LASP1: variants seen among roughly 807,000 people sequenced by gnomAD.
LASP1 encodes LIM and SH3 domain protein 1.
A neutral mutation model predicts 38.6 loss-of-function variants in LASP1; 10 were observed. The ratio of observed to expected loss-of-function variants is 0.26; its 90% CI spans 0.16 to 0.44. The LOEUF (loss-of-function observed/expected upper bound fraction) is 0.44. LASP1 is among the 20% of genes least tolerant of loss of function. LASP1 has a pLI of 1.00. For synonymous variants in LASP1, 132 were observed against 140.8 expected (o/e 0.94, Z 0.44); for missense variants, 243 against 375.7 (o/e 0.65, Z 2.92).
At chr17:38,874,956 C>G (rs1913718508) in intron 1 of LASP1, among the ~76,000 whole-genome samples, 3 of 152,092 alleles carry the variant, frequency 2.0e-5, no homozygotes, top group Non-Finnish European at 4.4e-5. Flanking sequence ...CGGGTGCAGG[C>G]CTGGCCATCT....
intron 2 of LASP1, among the ~76,000 whole-genome samples, chr17:38,882,366 G>A (rs1237597332): frequency 6.6e-6 from 1 of 152,196 alleles, no homozygotes; most frequent in Non-Finnish European, 1.5e-5. Flanking sequence ...TCCTGCCTCA[G>A]CCTCCCAAGT....
At chr17:38,884,429 C>A (rs1914050462) in intron 2 of LASP1, among the ~76,000 whole-genome samples, 1 of 150,836 alleles carries the variant, frequency 6.6e-6, no homozygotes, top group Non-Finnish European at 1.5e-5. Context: ...CTCTTGTTGC[C>A]CAGGCTGGAG....
At chr17:38,900,743 A>G (rs972602165) in intron 4 of LASP1, among the ~76,000 whole-genome samples, 2 of 152,156 alleles carry the variant, frequency 1.3e-5, no homozygotes, top group Non-Finnish European at 2.9e-5. Flanking sequence ...GTTGACCTGC[A>G]GTTTGAAGTT....
In LASP1 at chr17:38,901,277, T is replaced by TA. The variant is rs1388304156; in HGVS notation, c.357+2759dup. On this transcript the variant is annotated intron_variant, in intron 4 of 6. Transcript: ENST00000318008. ...CCCCCAGTTAGAGGTGTTAATATCCTAGTGACAAAACTCACCACCCTGGCC... is the reference window on the plus strand; with the variant it reads ...CCCCCAGTTAGAGGTGTTAATATCCTAAGTGACAAAACTCACCACCCTGGCC... Among the ~76,000 whole-genome samples, 10 of 152,278 alleles carry TA rather than the reference T, an allele frequency of 6.6e-5. No homozygotes were observed. The East Asian group carries it at 1.9e-3, about 29-fold the overall frequency.
intron 3 of LASP1, among the ~76,000 whole-genome samples, chr17:38,892,513 G>T (rs226231): frequency 5.3e-5 from 8 of 151,504 alleles, no homozygotes; most frequent in Non-Finnish European, 1.2e-4. Flanking sequence ...GAAGGACCTC[G>T]GAGAAGAGGT....
At position 38,919,035 on chromosome 17, in the gene LASP1, G is replaced by GGCGAGGCCCGTGGGA. The variant is rs2143840532; in HGVS notation, c.*257_*258insGCGAGGCCCGTGGGA. 2 of 536,378 alleles carry GGCGAGGCCCGTGGGA rather than the reference G, an allele frequency of 3.7e-6. No individual in the cohort carries two copies. Among genetic ancestry groups the GGCGAGGCCCGTGGGA allele is most frequent in the South Asian group, 2.1e-5 (1 of 47,206 alleles). 33.2% of individuals were successfully genotyped at this position (536,378 alleles called of 1,614,324 possible). Reference sequence around the variant, plus strand: ...ACGGGCATGGGCCTCTCTGGGGGAGGCAGGGCTGGAATGGGAGACCTGTTG... The same window carrying GGCGAGGCCCGTGGGA: ...ACGGGCATGGGCCTCTCTGGGGGAGGGCGAGGCCCGTGGGACAGGGCTGGAATGGGAGACCTGTTG... On this transcript the variant is annotated 3_prime_UTR_variant, in exon 7 of 7. Transcript: ENST00000318008.
At chr17:38,914,838 G>C (rs1241178261) in intron 5 of LASP1, 6 of 603,858 alleles carry the variant, frequency 9.9e-6, no homozygotes, top group Non-Finnish European at 8.8e-6. Context: ...TGAAAGGAGA[G>C]GCCCCCAGGT....
intron 4 of LASP1, among the ~76,000 whole-genome samples, chr17:38,901,978 A>G (rs1226989214): frequency 1.3e-5 from 2 of 152,084 alleles, no homozygotes; most frequent in Admixed American, 6.6e-5. Context: ...CGTGTTAGCC[A>G]GGATGATCTT....
intron 2 of LASP1, among the ~76,000 whole-genome samples, chr17:38,887,335 G>C (rs973242564): frequency 6.6e-6 from 1 of 152,118 alleles, no homozygotes; most frequent in Admixed American, 6.6e-5. Context: ...TCTCTGAAGC[G>C]CTCCCTCTTA....
At chr17:38,875,879 C>T (rs1913755138) in intron 1 of LASP1, among the ~76,000 whole-genome samples, 1 of 152,178 alleles carries the variant, frequency 6.6e-6, no homozygotes, top group African/African-American at 2.4e-5. Flanking sequence ...TGTGGCTGGG[C>T]TCCTTCAAAA....
intron 3 of LASP1, 44 bp downstream of exon 3, chr17:38,890,548 G>A: frequency 6.4e-7 from 1 of 1,565,192 alleles, no homozygotes. Flanking sequence ...GAGGGATGCT[G>A]GGGAGGGAAG....
intron 2 of LASP1, among the ~76,000 whole-genome samples, chr17:38,881,640 G>A (rs1913954724): frequency 6.6e-6 from 1 of 152,174 alleles, no homozygotes; most frequent in South Asian, 2.1e-4. Flanking sequence ...CACAGGCCTG[G>A]CTTCCTTCTC....
rs757286096 is a variant in LASP1, at chr17:38,870,291, A to G, written c.69+33A>G. 12 of 1,609,872 alleles carry G rather than the reference A, an allele frequency of 7.5e-6. No homozygotes were observed. In the South Asian group the frequency reaches 8.8e-5, roughly 12 times the overall value. The stretch of plus-strand genomic sequence containing the variant: ...CGGGACCGGGAGACGCGTCTTTGCA[A>G]TCCCCCGCAGTGCTCCGAATCCAGG... On this transcript the variant is annotated intron_variant, in intron 1 of 6. Transcript: ENST00000318008.
intron 4 of LASP1, among the ~76,000 whole-genome samples, chr17:38,913,002 G>A (rs1253783948): frequency 6.6e-6 from 1 of 152,186 alleles, no homozygotes; most frequent in African/African-American, 2.4e-5. Flanking sequence ...CACCCAAGGG[G>A]TCTGGGCAGA....
At chr17:38,906,938 G>A (rs1379736649) in intron 4 of LASP1, among the ~76,000 whole-genome samples, 1 of 152,188 alleles carries the variant, frequency 6.6e-6, no homozygotes, top group African/African-American at 2.4e-5. Context: ...CAGGCTGGGG[G>A]CTGTGCTGAC....
chr17:38,897,073 C>T, intron 3 of LASP1: 1 of 985,592 alleles, frequency 1.0e-6, no homozygotes, highest in Non-Finnish European at 1.2e-6. Context: ...TGGTGCTAGG[C>T]AGGTTCTGGA....
chr17:38,904,696 G>C (rs1273836058), intron 4 of LASP1: 1 of 152,168 alleles, frequency 6.6e-6, no homozygotes, highest in East Asian at 1.9e-4. Context: ...TGTCCTACAG[G>C]AAAATAAAAC....
Position 38,918,823 on chromosome 17 carries a change from C to T in LASP1, c.*45C>T, listed in dbSNP as rs1231518863. The T allele has an allele frequency of 6.2e-7, 1 of 1,601,374 alleles. No individual in the cohort carries two copies. The highest frequency in any genetic ancestry group is 8.5e-7 in the Non-Finnish European group (1 of 1,172,388). On this transcript the variant is annotated 3_prime_UTR_variant, in exon 7 of 7. Transcript: ENST00000318008. The surrounding 1 kb of genome is among the most constrained non-coding windows in gnomAD (Gnocchi z 4.4). ...GTCTTCAGCACATTCCACGGCATCG[C>T]ATCCGTCCTGGGCGTGACCCGTCCA...
At position 38,897,349 on chromosome 17, in the gene LASP1, G is replaced by C. The variant is rs573151856; in HGVS notation, c.250-1063G>C. ...CGGTGCTGCTGCCAGATGATTCCCT[G>C]CCAGGGAACTGCCTGGGTTTGTGTC... On this transcript the variant is annotated intron_variant, in intron 3 of 6. Coordinates refer to ENST00000318008, the MANE Select transcript of LASP1 (RefSeq NM_006148.4). Among the ~76,000 whole-genome samples, 344 of 152,330 alleles carry C rather than the reference G, an allele frequency of 2.3e-3. 3 individuals are homozygous for C. Among genetic ancestry groups the C allele is most frequent in the African/African-American group, 7.9e-3 (329 of 41,582 alleles).
Sources: gnomAD v4.1 joint callset for allele counts (sites outside exome capture counted in the v4.1 genomes callset) on GRCh38, gnomAD v4.1.1 for gene constraint, Gnocchi (gnomAD v3.1) non-coding constraint, MANE v1.5 for transcripts, NCBI Gene and HGNC (gene_info 2026-07-23, HGNC 2026-07-21) for gene names.